The following MKRN1 variants were observed in gnomAD, a reference collection of about 807,000 sequenced individuals.
MKRN1 encodes the protein makorin ring finger protein 1.
MKRN1 carries 9 observed loss-of-function variants against 55.5 expected under a neutral mutation model. The observed-to-expected ratio is 0.16, with a 90% CI of 0.10 to 0.28. The LOEUF (loss-of-function observed/expected upper bound fraction) is 0.28. Among genes scored for constraint, MKRN1 ranks in the 10% least tolerant of loss-of-function variants. The pLI, the probability that MKRN1 is intolerant of heterozygous loss-of-function variation, is 1.00. For synonymous variants in MKRN1, 253 were observed against 235.9 expected, an observed-to-expected ratio of 1.07 and a Z score of -0.66; for missense variants, 488 against 626.7, an observed-to-expected ratio of 0.78 and a Z score of 2.36.
intron 2 of MKRN1, among the ~76,000 whole-genome samples, chr7:140,469,904 T>C (rs901726458): frequency 5.3e-5 from 8 of 151,706 alleles, no homozygotes; most frequent in Admixed American, 3.3e-4. Context: ...AAAAATTAGC[T>C]GAGTGTGGCG....
Position 140,454,443 on chromosome 7 carries a change from G to C in MKRN1, c.*74C>G. 7.0e-7 allele frequency: 1 copy of C among 1,429,058 alleles called. No homozygotes were observed. The allele number at this position is 1,429,058 out of a possible 1,614,324, so 88.5% of individuals were successfully genotyped here. On this transcript the variant is annotated 3_prime_UTR_variant, in exon 8 of 8. Transcript: ENST00000255977. ...AGAGGCCTGCCTAGGAGAGAACACAGGCACTGCCACACCACCACAGGGGAC... is the reference window on the plus strand; with the variant it reads ...AGAGGCCTGCCTAGGAGAGAACACACGCACTGCCACACCACCACAGGGGAC...
chr7:140,467,230 T>C (rs1363817440), intron 2 of MKRN1, among the ~76,000 whole-genome samples: 4 of 152,026 alleles, frequency 2.6e-5, no homozygotes, highest in Non-Finnish European at 4.4e-5. Flanking sequence ...TGTCTCAGCC[T>C]CCCAAAGTGC....
intron 2 of MKRN1, among the ~76,000 whole-genome samples, chr7:140,463,660 C>T (rs369963812): frequency 2.7e-4 from 41 of 151,952 alleles, no homozygotes; most frequent in East Asian, 7.9e-4. Context: ...CCAAGGTGGG[C>T]GGATCACAAG....
chr7:140,471,737 TG>T, intron 2 of MKRN1, 145 bp downstream of exon 2: 1 of 1,155,320 alleles, frequency 8.7e-7, no homozygotes, highest in Non-Finnish European at 1.2e-6. Flanking sequence ...CCCAAAGTGC[TG>T]GGATTATAGG....
rs1344379260 is a variant in MKRN1, at chr7:140,471,982, C to T, written c.215G>A (p.Gly72Glu). The T allele has an allele frequency of 6.2e-7, 1 of 1,613,998 alleles. No individual in the cohort carries two copies. Among genetic ancestry groups the T allele is most frequent in the Non-Finnish European group, 8.5e-7 (1 of 1,180,044 alleles). ...GTCATGCGAGTAGCGACAGTTGTCT[C>T]CTTCCTTACAAACCCCATGCATAAA... The part of the protein sequence containing the change: ...RYFMHGVCKE[G>E]DNCRYSHDLS... Residue 72 changes from glycine (G) to glutamate (E), a missense_variant, in exon 2 of 8, where the codon GGA becomes GAA. Gly to Glu is a moderately conservative substitution (Grantham distance 98). Around this residue, in one of 2 missense-constraint regions of MKRN1, gnomAD observed 210 missense variants for 220.0 expected, o/e 0.95. Transcript: ENST00000255977.
At chr7:140,471,555 C>T (rs1411496667) in intron 2 of MKRN1, among the ~76,000 whole-genome samples, 1 of 151,978 alleles carries the variant, frequency 6.6e-6, no homozygotes, top group Non-Finnish European at 1.5e-5. Context: ...GTGCAACATC[C>T]ACCTCCCGGG....
At chr7:140,477,891 C>T (rs759509572) in intron 1 of MKRN1, among the ~76,000 whole-genome samples, 6 of 152,150 alleles carry the variant, frequency 3.9e-5, no homozygotes, top group Non-Finnish European at 7.3e-5. Context: ...ATCATCATTC[C>T]TGGCAATATT....
rs1794391640 is a variant in MKRN1 at position 140,453,599 on chromosome 7, G to T, written c.*918C>A. Reference sequence around the variant, plus strand: ...TGTTATTATATGGGATAACCAGGTAGTTTTAACCTCTATGGCTAACCCCAT... The same window carrying T: ...TGTTATTATATGGGATAACCAGGTATTTTTAACCTCTATGGCTAACCCCAT... On this transcript the variant is annotated 3_prime_UTR_variant, in exon 8 of 8. Transcript: ENST00000255977. 6.6e-6 allele frequency: 1 copy of T among 152,470 alleles called. No individual in the cohort carries two copies. Among genetic ancestry groups the T allele is most frequent in the East Asian group, 1.9e-4 (1 of 5,200 alleles). 9.4% of individuals were successfully genotyped at this position (152,470 alleles called of 1,614,324 possible).
chr7:140,479,531 A>G (rs1182946787), upstream of MKRN1: 3 of 543,768 alleles, frequency 5.5e-6, no homozygotes, highest in African/African-American at 3.9e-5. Context: ...GGCCCAGAGC[A>G]TGCGCGCCCG....
In MKRN1 at chr7:140,473,130, T is replaced by C. The variant is rs116030971; in HGVS notation, c.186-1119A>G. On this transcript the variant is annotated intron_variant, in intron 1 of 7. Coordinates refer to ENST00000255977, the MANE Select transcript of MKRN1 (RefSeq NM_013446.4). ...AAAGAAAAAGAAAAAGAAAAAAAGA[T>C]ATAGTCTACGTCAAAGAATTTCTCC... The C allele has an allele frequency of 9.7e-3, 3,586 of 369,344 alleles. 143 individuals carry two copies. The highest frequency in any genetic ancestry group is 0.07 in the African/African-American group (3,154 of 44,840). 22.9% of individuals were successfully genotyped at this position (369,344 alleles called of 1,614,324 possible).
intron 1 of MKRN1, chr7:140,478,325 C>T (rs1795183983): frequency 6.6e-6 from 1 of 152,204 alleles, no homozygotes; most frequent in Non-Finnish European, 1.5e-5. Context: ...CATACAACCG[C>T]CATCCCTTAA....
At position 140,459,147 on chromosome 7, in the gene MKRN1, T is replaced by G. The variant is rs767131876; in HGVS notation, c.631A>C (p.Lys211Gln). The G allele has an allele frequency of 6.8e-6, 11 of 1,613,842 alleles. No individual in the cohort carries two copies. Among genetic ancestry groups the G allele is most frequent in the East Asian group, 4.5e-5 (2 of 44,904 alleles). The change falls in exon 4 of 8, where the codon AAG becomes CAG. Residue 211 changes from lysine to glutamine, a missense_variant. Physicochemically the swap from Lys to Gln is moderately conservative, Grantham distance 53. Around this residue, in one of 2 missense-constraint regions of MKRN1, gnomAD observed 278 missense variants for 406.7 expected, o/e 0.68. Transcript: ENST00000255977. ...ACTGCAGCATAGGGGCACAGCTGCT[T>G]CTTTGTCTCCACGGCGGTTTGCTCT... The part of the protein sequence containing the change: ...EKEQTAVETK[K>Q]QLCPYAAVGE...
Position 140,454,663 on chromosome 7 carries a change from C to A in MKRN1, c.1303G>T (p.Asp435Tyr). 6.2e-7 allele frequency: 1 copy of A among 1,613,968 alleles called. No homozygotes were observed. The highest frequency in any genetic ancestry group is 8.5e-7 in the Non-Finnish European group (1 of 1,179,862). ...ERENSNPFDN[D>Y]EEEVVTFELG... is the part of the protein sequence containing the mutation. Reference sequence around the variant, plus strand: ...TCAAAGGTGACAACCTCTTCTTCATCGTTGTCAAAGGGGTTGCTGTTCTCT... The same window carrying A: ...TCAAAGGTGACAACCTCTTCTTCATAGTTGTCAAAGGGGTTGCTGTTCTCT... Residue 435 changes from aspartate (D) to tyrosine (Y), a missense_variant, in exon 8 of 8, where the codon GAT becomes TAT. Physicochemically the swap from Asp to Tyr is radical, Grantham distance 160 (BLOSUM62 -3). Coordinates refer to ENST00000255977, the MANE Select transcript of MKRN1 (RefSeq NM_013446.4).
intron 4 of MKRN1, among the ~76,000 whole-genome samples, chr7:140,458,744 C>T (rs1794536489): frequency 6.6e-6 from 1 of 152,142 alleles, no homozygotes; most frequent in African/African-American, 2.4e-5. Context: ...TTGCCTCAAC[C>T]TCCTGGGCTT....
At chr7:140,455,650 A>AG in intron 6 of MKRN1, 140 bp downstream of exon 6, 1 of 662,354 alleles carries the variant, frequency 1.5e-6, no homozygotes, top group Non-Finnish European at 2.6e-6. Context: ...GGATGTTATC[A>AG]GGGTGACAAA....
At chr7:140,462,993 C>A (rs1585474852) in intron 2 of MKRN1, among the ~76,000 whole-genome samples, 1 of 151,894 alleles carries the variant, frequency 6.6e-6, no homozygotes, top group African/African-American at 2.4e-5. Flanking sequence ...TGCGCGGTGG[C>A]TCATGCCTGT....
At chr7:140,463,910 C>A (rs189704478) in intron 2 of MKRN1, among the ~76,000 whole-genome samples, 4 of 151,942 alleles carry the variant, frequency 2.6e-5, no homozygotes, top group African/African-American at 7.2e-5. Context: ...AAAAAGAAAT[C>A]CAGCCCAAAG....
Position 140,453,757 on chromosome 7 carries a change from C to G in MKRN1, c.*760G>C, listed in dbSNP as rs1794394974. On this transcript the variant is annotated 3_prime_UTR_variant, in exon 8 of 8. Transcript: ENST00000255977. ...GGTTTTTCTACTAAGGCTAAGAATA[C>G]TGCATCTATGCAGGGATGAGAAGCT... The G allele has an allele frequency of 6.5e-6, 1 of 152,834 alleles. No individual in the cohort carries two copies. The highest frequency in any genetic ancestry group is 2.4e-5 in the African/African-American group (1 of 41,446). 9.5% of individuals were successfully genotyped at this position (152,834 alleles called of 1,614,324 possible).
intron 1 of MKRN1, among the ~76,000 whole-genome samples, chr7:140,475,779 AT>A (rs1795101516): frequency 1.3e-5 from 2 of 152,344 alleles, no homozygotes; most frequent in South Asian, 4.1e-4. Flanking sequence ...ATCTGCCATT[AT>A]AGAAGCACTC....
Sources: gnomAD v4.1 joint callset for allele counts (sites outside exome capture counted in the v4.1 genomes callset) on GRCh38, gnomAD v4.1.1 for gene constraint, gnomAD v4.1.1 regional missense constraint, MANE v1.5 for transcripts, NCBI Gene and HGNC (gene_info 2026-07-23, HGNC 2026-07-21) for gene names.